ANKRD18A: variants seen among roughly 807,000 people sequenced by gnomAD.
ANKRD18A encodes the protein ankyrin repeat domain 18A.
ANKRD18A carries 72 observed loss-of-function variants against 110.6 expected under a neutral mutation model. That is an observed-to-expected ratio of 0.65 (90% CI 0.54 to 0.79). The LOEUF is 0.79. Ranked by LOEUF, ANKRD18A falls within the 30% of genes least tolerant of loss-of-function variation. The pLI, the probability that ANKRD18A is intolerant of heterozygous loss-of-function variation, is 0.00. For missense variants in ANKRD18A, 934 were observed against 1,163.3 expected, an observed-to-expected ratio of 0.80 and a Z score of 2.87; for synonymous variants, 305 against 410.3, an observed-to-expected ratio of 0.74 and a Z score of 3.10.
Position 38,595,894 on chromosome 9 carries a change from C to T in ANKRD18A, c.1446G>A (p.Lys482=). 6.4e-7 allele frequency: 1 copy of T among 1,551,252 alleles called. No homozygotes were observed. Among genetic ancestry groups the T allele is most frequent in the African/African-American group, 1.4e-5 (1 of 73,130 alleles). The change falls in exon 9 of 16, where the codon AAG becomes AAA. Residue 482 remains lysine (K), a synonymous_variant. Coordinates refer to ENST00000399703, the MANE Select transcript of ANKRD18A (RefSeq NM_147195.4). ...LTEQVHKARV[K]FNTLKGKLRE... is the part of the protein sequence containing the mutation. ...GGAGCTTACCTTTTAAGGTATTGAA[C>T]TTCACCCGAGCTTTATGGACCTGTT...
At chr9:38,591,281 G>A (rs1211563412) in intron 10 of ANKRD18A, among the ~76,000 whole-genome samples, 1 of 152,108 alleles carries the variant, frequency 6.6e-6, no homozygotes, top group Non-Finnish European at 1.5e-5. Flanking sequence ...GTGTTCCATG[G>A]AATGGTTTGA....
intron 10 of ANKRD18A, 142 bp downstream of exon 10, chr9:38,593,618 C>T (rs1325430798): frequency 2.4e-5 from 22 of 899,420 alleles, no homozygotes; most frequent in Admixed American, 8.5e-5. Context: ...TGAAGAAGTA[C>T]GTTATAAAGA....
In ANKRD18A at chr9:38,596,300, T is replaced by C. The variant is rs1824878929; in HGVS notation, c.1040A>G (p.Asp347Gly). 1.3e-6 allele frequency: 2 copies of C among 1,534,704 alleles called. No individual in the cohort carries two copies. Among genetic ancestry groups the C allele is most frequent in the African/African-American group, 2.8e-5 (2 of 71,884 alleles). ...ATATTTCTTTTCCTTTCTGAGACTGTCATTTTTTATTGCATATAATTCCTC... is the reference window on the plus strand; with the variant it reads ...ATATTTCTTTTCCTTTCTGAGACTGCCATTTTTTATTGCATATAATTCCTC... ...LKEELYAIKN[D>G]SLRKEKKYIQ... Residue 347 changes from aspartate to glycine, a missense_variant, in exon 9 of 16, where the codon GAC becomes GGC. Transcript: ENST00000399703.
intron 3 of ANKRD18A, among the ~76,000 whole-genome samples, chr9:38,614,225 T>TG (rs1825761378): frequency 1.5e-5 from 2 of 132,576 alleles, no homozygotes; most frequent in African/African-American, 7.0e-5. Flanking sequence ...TGAGGTTTTT[T>TG]TTTTTTTTTT....
At chr9:38,616,072 A>T (rs1356021989) in intron 1 of ANKRD18A, 28 bp from the exon 2 acceptor site, 51 of 1,485,840 alleles carry the variant, frequency 3.4e-5, no homozygotes, top group Non-Finnish European at 4.5e-5. Flanking sequence ...GTTTTCAGGA[A>T]ATGTAGTGCA....
chr9:38,593,130 G>C (rs1445031612), intron 10 of ANKRD18A, among the ~76,000 whole-genome samples: 1 of 152,146 alleles, frequency 6.6e-6, no homozygotes, highest in Non-Finnish European at 1.5e-5. Flanking sequence ...AAAATCCCAT[G>C]GTAGGATCCA....
intron 5 of ANKRD18A, among the ~76,000 whole-genome samples, chr9:38,609,261 C>T (rs1166994875): frequency 6.6e-6 from 1 of 151,988 alleles, no homozygotes; most frequent in African/African-American, 2.4e-5. Flanking sequence ...GGGTGGATCA[C>T]AAGGTCAGGA....
intron 10 of ANKRD18A, among the ~76,000 whole-genome samples, chr9:38,589,040 T>A (rs1824515672): frequency 6.6e-6 from 1 of 152,216 alleles, no homozygotes; most frequent in African/African-American, 2.4e-5. Flanking sequence ...TTAAATTACA[T>A]CTTACTAAGA....
At position 38,595,620 on chromosome 9, in the gene ANKRD18A, T is replaced by C. The variant is rs191233617; in HGVS notation, c.1720A>G (p.Ile574Val). ...TCAAGACAGTCTCTGTGGATATTAATGACTATCTCTTTATTATCGCCTTCC... is the reference window on the plus strand; with the variant it reads ...TCAAGACAGTCTCTGTGGATATTAACGACTATCTCTTTATTATCGCCTTCC... ...RKEGDNKEIV[I>V]NIHRDCLENG... The change falls in exon 9 of 16, where the codon ATT becomes GTT. Residue 574 changes from isoleucine to valine, a missense_variant. Physicochemically the swap from Ile to Val is conservative, Grantham distance 29. This residue lies in a region of ANKRD18A where 630 missense variants were observed against 797.5 expected (regional missense o/e 0.79). Coordinates refer to ENST00000399703, the MANE Select transcript of ANKRD18A (RefSeq NM_147195.4). 11 of 1,551,148 alleles carry C rather than the reference T, an allele frequency of 7.1e-6. No individual in the cohort carries two copies. The highest frequency in any genetic ancestry group is 3.6e-5 in the South Asian group (3 of 83,992).
intron 8 of ANKRD18A, among the ~76,000 whole-genome samples, chr9:38,600,286 C>G (rs1294793919): frequency 6.6e-6 from 1 of 152,038 alleles, no homozygotes; most frequent in Admixed American, 6.6e-5. Flanking sequence ...CTCAGCATAC[C>G]CTAAATAGTG....
In ANKRD18A at chr9:38,586,309, A is replaced by G. The variant is rs1345933942; in HGVS notation, c.2121T>C (p.Tyr707=). ...NRELEEEATG[Y]KKCLEMTINM... ...TTATTGTCATTTCTAGGCATTTCTT[A>G]TATCTGCAGAAATGTAAGAACTAGT... Residue 707 remains tyrosine (Y), a synonymous_variant, in exon 12 of 16, where the codon TAT becomes TAC. Transcript: ENST00000399703. 1.3e-6 allele frequency: 2 copies of G among 1,571,086 alleles called. No homozygotes were observed. The highest frequency in any genetic ancestry group is 1.8e-5 in the Admixed American group (1 of 55,444).
chr9:38,576,402 C>T (rs1208275763), intron 14 of ANKRD18A, among the ~76,000 whole-genome samples: 1 of 152,132 alleles, frequency 6.6e-6, no homozygotes, highest in Non-Finnish European at 1.5e-5. Context: ...GGAGGTGGGG[C>T]TTGTTCTTTC....
chr9:38,615,972 C>G lies in ANKRD18A; in HGVS notation c.279G>C (p.Gln93His), dbSNP rs1417842103. Residue 93 changes from glutamine to histidine, a missense_variant, in exon 2 of 16, where the codon CAG (glutamine) becomes CAC (histidine). By Grantham distance (24) the Gln-to-His change is conservative. This residue lies in a region of ANKRD18A where 630 missense variants were observed against 797.5 expected (regional missense o/e 0.79). Transcript: ENST00000399703. ...TGTTTAGTCTGTCACAGATGTCGAT[C>G]TGGCATCTTCTGTGCAGCAAGAGAG... ...VVTLLLHRRC[Q>H]IDICDRLNRT... 16 of 1,586,798 alleles carry G rather than the reference C, an allele frequency of 1.0e-5. No individual in the cohort carries two copies. Among genetic ancestry groups the G allele is most frequent in the Non-Finnish European group, 1.4e-5 (16 of 1,165,558 alleles).
At chr9:38,593,952 TATTAA>T (rs770047923) in intron 9 of ANKRD18A, 43 bp from the exon 10 acceptor site, 20 of 1,427,074 alleles carry the variant, frequency 1.4e-5, no homozygotes, top group Non-Finnish European at 1.8e-5. Context: ...AGTGGCTTAT[TATTAA>T]ATTATGTTAA....
chr9:38,600,989 T>A, intron 8 of ANKRD18A, 142 bp downstream of exon 8: 2 of 756,902 alleles, frequency 2.6e-6, no homozygotes, highest in Non-Finnish European at 4.0e-6. Context: ...GCTAAAATAT[T>A]TTAAAATTCA....
intron 12 of ANKRD18A, among the ~76,000 whole-genome samples, chr9:38,581,207 T>A: frequency 6.6e-6 from 1 of 152,004 alleles, no homozygotes; most frequent in Admixed American, 6.6e-5. Flanking sequence ...CAGAAAAGAG[T>A]CTCCTTTAAA....
At chr9:38,604,017 G>A (rs1196703769) in intron 6 of ANKRD18A, 1 of 152,252 alleles carries the variant, frequency 6.6e-6, no homozygotes, top group Non-Finnish European at 1.5e-5. Context: ...ATTACAGAAA[G>A]GGCTGAGCAC....
intron 14 of ANKRD18A, 82 bp downstream of exon 14, chr9:38,576,971 G>A: frequency 8.1e-7 from 1 of 1,234,790 alleles, no homozygotes; most frequent in Non-Finnish European, 1.1e-6. Flanking sequence ...CTGATCTCCT[G>A]AAGCCATCTC....
At chr9:38,574,602 C>T (rs1823799262) in intron 15 of ANKRD18A, among the ~76,000 whole-genome samples, 2 of 152,182 alleles carry the variant, frequency 1.3e-5, no homozygotes, top group Middle Eastern at 3.4e-3. Flanking sequence ...CAGGTGTGAG[C>T]CACCACACCT....
Sources: allele counts gnomAD v4.1 joint callset (sites outside exome capture counted in the v4.1 genomes callset), GRCh38; gene constraint gnomAD v4.1.1; regional missense constraint gnomAD v4.1.1; transcripts MANE v1.5; gene names NCBI Gene and HGNC (gene_info 2026-07-23, HGNC 2026-07-21).